Variants in GSAP observed in about 807,000 individuals in gnomAD.
GSAP encodes gamma-secretase-activating protein.
In GSAP, 118 loss-of-function variants were observed where a neutral mutation model predicts 131.7. That is an observed-to-expected ratio of 0.90 (90% CI 0.77 to 1.04). GSAP has a LOEUF of 1.04. GSAP is among the 50% of genes least tolerant of loss of function. The probability of loss-of-function intolerance (pLI) is 0.00; values close to 1 mark genes in which losing one functional copy is unlikely to be tolerated. For synonymous variants in GSAP, 381 were observed against 363.4 expected (o/e 1.05, Z -0.55); for missense variants, 1,019 against 1,013.2 (o/e 1.01, Z -0.08).
intron 19 of GSAP, among the ~76,000 whole-genome samples, chr7:77,334,518 G>A (rs1789645404): frequency 6.9e-6 from 1 of 144,934 alleles, no homozygotes; most frequent in African/African-American, 2.6e-5. Context: ...AACCACCATG[G>A]CATGCGTTTA....
intron 7 of GSAP, among the ~76,000 whole-genome samples, chr7:77,381,911 G>T (rs1039842093): frequency 4.0e-5 from 6 of 151,076 alleles, no homozygotes; most frequent in African/African-American, 1.2e-4. Flanking sequence ...ACCTTCTGCT[G>T]GTCCTAGTTA....
At chr7:77,372,916 G>A (rs377615718) in intron 12 of GSAP, among the ~76,000 whole-genome samples, 1 of 152,166 alleles carries the variant, frequency 6.6e-6, no homozygotes, top group South Asian at 2.1e-4. Flanking sequence ...AGTCTCTACT[G>A]AAATACCACG....
chr7:77,347,278 AC>A (rs1228538376), intron 19 of GSAP, among the ~76,000 whole-genome samples: 1 of 152,124 alleles, frequency 6.6e-6, no homozygotes, highest in Admixed American at 6.5e-5. Context: ...TACCGTGGGA[AC>A]CCCAACTTAA....
chr7:77,411,928 C>T (rs1803361138), intron 1 of GSAP, among the ~76,000 whole-genome samples: 1 of 152,214 alleles, frequency 6.6e-6, no homozygotes, highest in Non-Finnish European at 1.5e-5. Context: ...ACTGTAATCC[C>T]AGCACTTTGG....
chr7:77,405,700 G>GCT (rs1403433020), intron 2 of GSAP, among the ~76,000 whole-genome samples: 3 of 152,118 alleles, frequency 2.0e-5, no homozygotes, highest in African/African-American at 7.2e-5. Context: ...ACAACACCCA[G>GCT]CTCATTTTTG....
chr7:77,324,930 C>A (rs1788126027), intron 23 of GSAP, among the ~76,000 whole-genome samples: 1 of 150,538 alleles, frequency 6.6e-6, no homozygotes, highest in African/African-American at 2.5e-5. Flanking sequence ...GATTCTCATG[C>A]CTCAGCCTCC....
At chr7:77,320,889 G>A (rs139556212) in intron 25 of GSAP, 70 bp from the exon 26 acceptor site, 194 of 896,368 alleles carry the variant, frequency 2.2e-4, no homozygotes, top group Middle Eastern at 2.1e-4. Flanking sequence ...GTCCTAAGCA[G>A]TGGCTTTGAG....
At chr7:77,408,689 C>CAA (rs749202124) in intron 1 of GSAP, among the ~76,000 whole-genome samples, 1,014 of 66,816 alleles carry the variant, frequency 0.015, 7 homozygotes, top group Non-Finnish European at 0.02. Flanking sequence ...ACTCTGCCTC[C>CAA]AAAAAAAAAA....
At chr7:77,372,750 C>T (rs1796321985) in intron 12 of GSAP, among the ~76,000 whole-genome samples, 1 of 152,186 alleles carries the variant, frequency 6.6e-6, no homozygotes, top group African/African-American at 2.4e-5. Flanking sequence ...ACAAAAAATA[C>T]CCTTCAATGA....
intron 1 of GSAP, 46 bp from the exon 2 acceptor site, chr7:77,406,151 A>T (rs1360948959): frequency 9.2e-7 from 1 of 1,087,162 alleles, no homozygotes; most frequent in Non-Finnish European, 1.2e-6. Context: ...GATGGTTAAA[A>T]ACATATCTAA....
chr7:77,398,569 C>G (rs1346449330), intron 3 of GSAP, among the ~76,000 whole-genome samples: 1 of 152,052 alleles, frequency 6.6e-6, no homozygotes, highest in Non-Finnish European at 1.5e-5. Flanking sequence ...AAAGTCAAAG[C>G]CAGCCTGGAC....
chr7:77,373,155 A>G (rs117707470), intron 12 of GSAP, among the ~76,000 whole-genome samples: 356 of 152,312 alleles, frequency 2.3e-3, no homozygotes, highest in Admixed American at 4.1e-3. Flanking sequence ...TTAAACCTCC[A>G]TAAGTTTTCA....
intron 8 of GSAP, 39 bp from the exon 9 acceptor site, chr7:77,377,429 A>G: frequency 6.6e-7 from 1 of 1,511,226 alleles, no homozygotes; most frequent in Non-Finnish European, 8.9e-7. Flanking sequence ...AAAAGTATGA[A>G]TAACTTTTAA....
At chr7:77,333,897 G>T (rs1444168618) in intron 19 of GSAP, among the ~76,000 whole-genome samples, 5 of 152,158 alleles carry the variant, frequency 3.3e-5, no homozygotes, top group African/African-American at 1.2e-4. Flanking sequence ...TATGCTCTAG[G>T]ATGAGACTGG....
At chr7:77,326,028 A>C (rs1252702640) in intron 23 of GSAP, among the ~76,000 whole-genome samples, 184 bp downstream of exon 23, 3 of 152,226 alleles carry the variant, frequency 2.0e-5, no homozygotes, top group Non-Finnish European at 4.4e-5. Flanking sequence ...TTGACTACAC[A>C]TTCCAAGAGG....
intron 8 of GSAP, among the ~76,000 whole-genome samples, 164 bp downstream of exon 8, chr7:77,381,141 C>T (rs1797733789): frequency 6.6e-6 from 1 of 152,092 alleles, no homozygotes; most frequent in African/African-American, 2.4e-5. Flanking sequence ...TAACTTCATA[C>T]ATATTTGTAT....
intron 8 of GSAP, among the ~76,000 whole-genome samples, chr7:77,380,857 G>A (rs1391118119): frequency 2.0e-5 from 3 of 152,076 alleles, no homozygotes; most frequent in African/African-American, 7.2e-5. Flanking sequence ...GAAAATTAGA[G>A]TAAATAACCA....
intron 9 of GSAP, 49 bp downstream of exon 9, chr7:77,377,237 T>TAA (rs533755073): frequency 0.11 from 97,925 of 876,552 alleles, 1,618 homozygotes; most frequent in Non-Finnish European, 0.12. Context: ...AATATTTTTG[T>TAA]AAAAAAAAAA....
chr7:77,384,840 A>C (rs1373039983), intron 6 of GSAP, among the ~76,000 whole-genome samples: 1 of 152,136 alleles, frequency 6.6e-6, no homozygotes, highest in Non-Finnish European at 1.5e-5. Flanking sequence ...TCATTTCTCT[A>C]GAGGCAGGAG....
Sources: allele counts gnomAD v4.1 joint callset (sites outside exome capture counted in the v4.1 genomes callset), GRCh38; gene constraint gnomAD v4.1.1; transcripts MANE v1.5; gene names NCBI Gene and HGNC (gene_info 2026-07-23, HGNC 2026-07-21).